The following INTS10 variants were observed in gnomAD, a reference collection of about 807,000 sequenced individuals.
INTS10 encodes the protein chromosome 8 open reading frame 35.
INTS10 carries 44 observed loss-of-function variants against 94.4 expected under a neutral mutation model. That is an observed-to-expected ratio of 0.47 (90% CI 0.37 to 0.60). The LOEUF (loss-of-function observed/expected upper bound fraction) is 0.60, where lower values mean the gene tolerates loss of function less well. INTS10 is among the 20% of genes least tolerant of loss of function. The pLI, the probability that INTS10 is intolerant of heterozygous loss-of-function variation, is 0.00. For missense variants in INTS10, 797 were observed against 868.7 expected, an observed-to-expected ratio of 0.92 and a Z score of 1.04; for synonymous variants, 341 against 320.7, an observed-to-expected ratio of 1.06 and a Z score of -0.68.
intron 9 of INTS10, among the ~76,000 whole-genome samples, chr8:19,829,294 A>G (rs2067049534): frequency 6.6e-6 from 1 of 152,120 alleles, no homozygotes. Context: ...CAGTAAAATG[A>G]CCTAGGTGGA....
rs954026347 is a variant in INTS10, at chr8:19,834,386, A to G, written c.1530+1065A>G. On this transcript the variant is annotated intron_variant, in intron 12 of 16. Coordinates refer to ENST00000397977, the MANE Select transcript of INTS10 (RefSeq NM_018142.4). Reference sequence around the variant, plus strand: ...AATTGGAGAATGTGTAAAGCATTCAAAATTGAAAATGCTTTTCCACCATTA... The same window carrying G: ...AATTGGAGAATGTGTAAAGCATTCAGAATTGAAAATGCTTTTCCACCATTA... Among the ~76,000 whole-genome samples, 8 of 152,222 alleles carry G rather than the reference A, an allele frequency of 5.3e-5. No individual in the cohort carries two copies. In the South Asian group the frequency reaches 1.4e-3, roughly 28 times the overall value.
rs1181934712 is a variant in INTS10 at position 19,851,345 on chromosome 8, C to T, written c.1977-304C>T. Among the ~76,000 whole-genome samples, 1 of 152,138 alleles carries T rather than the reference C, an allele frequency of 6.6e-6. No homozygotes were observed. The highest frequency in any genetic ancestry group is 1.5e-5 in the Non-Finnish European group (1 of 68,026). Reference sequence around the variant, plus strand: ...AGTAACTGAATTGTGTACCAGTCAGCAGTAGGGATGCATAACACCAGAGCT... The same window carrying T: ...AGTAACTGAATTGTGTACCAGTCAGTAGTAGGGATGCATAACACCAGAGCT... On this transcript the variant is annotated intron_variant, in intron 16 of 16. Coordinates refer to ENST00000397977, the MANE Select transcript of INTS10 (RefSeq NM_018142.4). This position sits in a 1 kb window ranked among gnomAD's most constrained non-coding sequence, Gnocchi z 5.0.
At chr8:19,822,229 G>C (rs2066434781) in intron 4 of INTS10, 1 of 400,288 alleles carries the variant, frequency 2.5e-6, no homozygotes, top group East Asian at 4.0e-5. Context: ...AACCAAGACA[G>C]AGTGGTCAGA....
intron 4 of INTS10, among the ~76,000 whole-genome samples, chr8:19,820,789 C>T (rs564238900): frequency 5.9e-5 from 9 of 152,204 alleles, no homozygotes; most frequent in Non-Finnish European, 1.0e-4. Context: ...AATCTTTTTC[C>T]GTTGTATTCT....
intron 13 of INTS10, among the ~76,000 whole-genome samples, chr8:19,841,306 AAGATT>A (rs1238854275): frequency 6.6e-6 from 1 of 152,198 alleles, no homozygotes; most frequent in Non-Finnish European, 1.5e-5. Context: ...TAAAAATAGA[AAGATT>A]AGTAAATTTG....
intron 4 of INTS10, 153 bp from the exon 5 acceptor site, chr8:19,822,286 T>C: frequency 1.9e-6 from 1 of 531,446 alleles, no homozygotes; most frequent in Non-Finnish European, 3.3e-6. Flanking sequence ...GGTGCATTCT[T>C]TTATTTTCCA....
intron 4 of INTS10, chr8:19,821,179 G>C (rs2066344164): frequency 6.6e-6 from 1 of 152,132 alleles, no homozygotes; most frequent in South Asian, 2.1e-4. Flanking sequence ...GTCTCCTAGG[G>C]TTGCCATAAC....
At chr8:19,836,533 G>C (rs11985584) in intron 12 of INTS10, among the ~76,000 whole-genome samples, 82,789 of 152,086 alleles carry the variant, frequency 0.54, 22,989 homozygotes, top group African/African-American at 0.65. Flanking sequence ...CCTGAAAGGC[G>C]TCTTTTCTGC....
At position 19,817,674 on chromosome 8, in the gene INTS10, C is replaced by G. The variant is rs770205372; in HGVS notation, c.129+8C>G. On this transcript the variant is annotated splice_region_variant and intron_variant, in intron 1 of 16. Transcript: ENST00000397977. ...GCAGACTTTAACATCCAGGTGAGGT[C>G]CCGGCTGTGCATGCGGCCGCTCTGC... 9 of 1,601,666 alleles carry G rather than the reference C, an allele frequency of 5.6e-6. No homozygotes were observed. Among genetic ancestry groups the G allele is most frequent in the Non-Finnish European group, 7.7e-6 (9 of 1,175,118 alleles).
chr8:19,844,045 C>G (rs1563452596), intron 14 of INTS10, 31 bp from the exon 15 acceptor site: 1 of 1,536,582 alleles, frequency 6.5e-7, no homozygotes, highest in Non-Finnish European at 8.8e-7. Flanking sequence ...CTTCCTTTTC[C>G]TTCTGTCTTG....
Position 19,849,065 on chromosome 8 carries a change from G to C in INTS10, c.1977-2584G>C, listed in dbSNP as rs1288150656. On this transcript the variant is annotated intron_variant, in intron 16 of 16. Coordinates refer to ENST00000397977, the MANE Select transcript of INTS10 (RefSeq NM_018142.4). The surrounding 1 kb of genome is among the most constrained non-coding windows in gnomAD (Gnocchi z 4.6). Reference sequence around the variant, plus strand: ...AGGTTAATGAGTTTCTGTTTAGTCTGCTTCTAGTCTTGTGTATTTTCTCTG... The same window carrying C: ...AGGTTAATGAGTTTCTGTTTAGTCTCCTTCTAGTCTTGTGTATTTTCTCTG... The C allele has an allele frequency of 2.0e-6, 1 of 493,958 alleles. No individual in the cohort carries two copies. Among genetic ancestry groups the C allele is most frequent in the African/African-American group, 2.0e-5 (1 of 50,394 alleles). 30.6% of individuals were successfully genotyped at this position (493,958 alleles called of 1,614,324 possible).
chr8:19,847,873 G>A (rs1272263357), intron 16 of INTS10, among the ~76,000 whole-genome samples: 5 of 152,194 alleles, frequency 3.3e-5, no homozygotes, highest in East Asian at 1.9e-4. Flanking sequence ...CTTCTAACTA[G>A]TGAGGGAGAA....
At position 19,826,504 on chromosome 8, in the gene INTS10, G is replaced by A. The variant is rs368911884; in HGVS notation, c.1085G>A (p.Arg362His). The part of the protein sequence containing the change: ...SNVYGDVEID[R>H]NKHIHKKRKL... ...GTGTATGGTGATGTAGAAATTGATC[G>A]TAATAAACACATCCATAAAAAGAGG... is the stretch of plus-strand genomic sequence containing the variant. The change falls in exon 9 of 17, where the codon CGT becomes CAT. Residue 362 changes from arginine to histidine, a missense_variant. Arg to His is a conservative substitution (Grantham distance 29). This residue lies in a region of INTS10 where 734 missense variants were observed against 787.8 expected (regional missense o/e 0.93). Coordinates refer to ENST00000397977, the MANE Select transcript of INTS10 (RefSeq NM_018142.4). The A allele has an allele frequency of 8.7e-6, 14 of 1,612,812 alleles. No individual in the cohort carries two copies. Among genetic ancestry groups the A allele is most frequent in the Non-Finnish European group, 1.2e-5 (14 of 1,179,528 alleles).
chr8:19,848,019 C>T lies in INTS10; in HGVS notation c.1976+2222C>T, dbSNP rs544039844. On this transcript the variant is annotated intron_variant, in intron 16 of 16. Transcript: ENST00000397977. ...GGATTATTCCTTAGTGATCTGACCTCGTAGGGATTTGCCCAGTCTTCACTG... is the reference window on the plus strand; with the variant it reads ...GGATTATTCCTTAGTGATCTGACCTTGTAGGGATTTGCCCAGTCTTCACTG... 5.3e-5 allele frequency among the ~76,000 whole-genome samples: 8 copies of T among 152,318 alleles called. No homozygotes were observed. In the East Asian group the frequency reaches 1.3e-3, roughly 26 times the overall value.
At position 19,845,724 on chromosome 8, in the gene INTS10, T is replaced by C. The variant is rs773023831; in HGVS notation, c.1903T>C (p.Phe635Leu). The part of the protein sequence containing the change: ...YVTNIDMLEE[F>L]AYLRTQEGGK... ...TGCAGATATTGATATGCTGGAGGAATTTGCCTACTTGAGAACTCAGGAAGG... is the reference window on the plus strand; with the variant it reads ...TGCAGATATTGATATGCTGGAGGAACTTGCCTACTTGAGAACTCAGGAAGG... Residue 635 changes from phenylalanine (F) to leucine (L), a missense_variant, in exon 16 of 17, where the codon TTT (phenylalanine) becomes CTT (leucine). Transcript: ENST00000397977. 3 of 1,613,542 alleles carry C rather than the reference T, an allele frequency of 1.9e-6. No individual in the cohort carries two copies. In the Admixed American group the frequency reaches 5.0e-5, roughly 27 times the overall value.
At chr8:19,831,886 G>C (rs892915065) in intron 10 of INTS10, 142 bp from the exon 11 acceptor site, 13 of 633,426 alleles carry the variant, frequency 2.1e-5, no homozygotes, top group Non-Finnish European at 3.2e-5. Context: ...TGAAATTCTA[G>C]AGCAGTGTGT....
chr8:19,817,764 C>T, intron 1 of INTS10, 98 bp downstream of exon 1: 3 of 1,441,246 alleles, frequency 2.1e-6, no homozygotes, highest in Non-Finnish European at 2.8e-6. Flanking sequence ...CTGGGGGCTG[C>T]CGCCTCCTGC....
In INTS10 at chr8:19,830,568, G is replaced by A; in HGVS notation, c.1294+9G>A. On this transcript the variant is annotated intron_variant, in intron 10 of 16. Transcript: ENST00000397977. ...AGAATTCCTTGACAAAGGTAAGAAA[G>A]CGCATGTCATTGGTGCTGTTTGATG... 1.2e-6 allele frequency: 2 copies of A among 1,608,294 alleles called. No individual in the cohort carries two copies. The highest frequency in any genetic ancestry group is 1.1e-5 in the South Asian group (1 of 89,854).
In INTS10 at chr8:19,822,531, T is replaced by C; in HGVS notation, c.523+11T>C. ...TTAGAAAATTATTTGGTAAGGAAAA[T>C]TGTATTCTCTATTACTTCTATGGTA... On this transcript the variant is annotated intron_variant, in intron 5 of 16. Transcript: ENST00000397977. The C allele has an allele frequency of 1.4e-6, 2 of 1,473,070 alleles. No individual in the cohort carries two copies. The highest frequency in any genetic ancestry group is 1.1e-5 in the South Asian group (1 of 88,006). 91.2% of individuals were successfully genotyped at this position (1,473,070 alleles called of 1,614,324 possible). A position where few individuals can be genotyped will look rare whatever the true frequency, so the allele number is the denominator to read the frequency against.
Sources: allele counts gnomAD v4.1 joint callset (sites outside exome capture counted in the v4.1 genomes callset), GRCh38; gene constraint gnomAD v4.1.1; regional missense constraint gnomAD v4.1.1; non-coding constraint Gnocchi (gnomAD v3.1); transcripts MANE v1.5; gene names NCBI Gene and HGNC (gene_info 2026-07-23, HGNC 2026-07-21).